RABGAP1L: variants seen among roughly 807,000 people sequenced by gnomAD.
RABGAP1L encodes RAB GTPase activating protein 1 like.
In RABGAP1L, 63 loss-of-function variants were observed where a neutral mutation model predicts 137.7. The ratio of observed to expected loss-of-function variants is 0.46; its 90% CI spans 0.37 to 0.56. The LOEUF is 0.56. Ranked by LOEUF, RABGAP1L falls within the 20% of genes least tolerant of loss-of-function variation. The pLI is 0.00. For synonymous variants in RABGAP1L, 431 were observed against 433.7 expected (o/e 0.99, Z 0.08); for missense variants, 1,095 against 1,244.0 (o/e 0.88, Z 1.80).
At chr1:174,473,803 C>T (rs1658204943) in intron 13 of RABGAP1L, among the ~76,000 whole-genome samples, 1 of 152,164 alleles carries the variant, frequency 6.6e-6, no homozygotes. Flanking sequence ...CAATCATTCG[C>T]CCCTAAAGCT....
chr1:174,953,443 G>A (rs1158149099), intron 19 of RABGAP1L, among the ~76,000 whole-genome samples: 12 of 152,052 alleles, frequency 7.9e-5, no homozygotes, highest in Non-Finnish European at 1.3e-4. Context: ...ACACTCCCTC[G>A]CCATTCCCCT....
At chr1:174,606,802 T>G (rs1015700517) in intron 13 of RABGAP1L, among the ~76,000 whole-genome samples, 1 of 152,252 alleles carries the variant, frequency 6.6e-6, no homozygotes, top group Non-Finnish European at 1.5e-5. Flanking sequence ...CAGATTTTTC[T>G]GATTCTATTC....
At chr1:174,252,617 CA>C in intron 7 of RABGAP1L, 27 bp downstream of exon 7, 1 of 1,596,624 alleles carries the variant, frequency 6.3e-7, no homozygotes, top group Non-Finnish European at 8.5e-7. Flanking sequence ...TAAATGCTAC[CA>C]AAAACTTGTA....
At chr1:174,828,311 C>T (rs1321984098) in intron 19 of RABGAP1L, among the ~76,000 whole-genome samples, 2 of 148,062 alleles carry the variant, frequency 1.4e-5, no homozygotes, top group Non-Finnish European at 3.0e-5. Context: ...TTTGAGTTGT[C>T]TGTCTGGAAA....
intron 13 of RABGAP1L, among the ~76,000 whole-genome samples, chr1:174,532,580 T>C (rs1664514708): frequency 6.6e-6 from 1 of 152,106 alleles, no homozygotes; most frequent in Admixed American, 6.5e-5. Context: ...TTCATAAAAC[T>C]GGGGGACTGT....
intron 13 of RABGAP1L, among the ~76,000 whole-genome samples, chr1:174,497,748 A>C (rs1660873829): frequency 6.6e-6 from 1 of 152,260 alleles, no homozygotes; most frequent in Non-Finnish European, 1.5e-5. Context: ...CTGCTTATAA[A>C]GAGCAGTGAC....
chr1:174,455,651 G>A (rs1044979596), intron 13 of RABGAP1L, among the ~76,000 whole-genome samples: 7 of 151,926 alleles, frequency 4.6e-5, no homozygotes, highest in Admixed American at 1.3e-4. Flanking sequence ...AGTAGATGGC[G>A]TATTTTTATA....
intron 14 of RABGAP1L, among the ~76,000 whole-genome samples, chr1:174,661,436 T>C (rs1354873610): frequency 6.6e-6 from 1 of 152,166 alleles, no homozygotes; most frequent in East Asian, 1.9e-4. Context: ...GAATATTGGG[T>C]ACTGAAAAAT....
At chr1:174,222,918 T>C (rs891978501) in intron 3 of RABGAP1L, among the ~76,000 whole-genome samples, 1 of 151,982 alleles carries the variant, frequency 6.6e-6, no homozygotes, top group African/African-American at 2.4e-5. Context: ...GGCAGATCAC[T>C]TGAAGTCAGG....
intron 1 of RABGAP1L, among the ~76,000 whole-genome samples, chr1:174,193,001 C>T (rs917420306): frequency 3.3e-5 from 5 of 152,298 alleles, no homozygotes; most frequent in East Asian, 1.9e-4. Context: ...CTCTTTTGAA[C>T]GTATTCCTTC....
At chr1:174,590,355 T>A (rs58666989) in intron 13 of RABGAP1L, among the ~76,000 whole-genome samples, 2,696 of 147,014 alleles carry the variant, frequency 0.018, 66 homozygotes, top group African/African-American at 0.062. Flanking sequence ...TTTATTTATT[T>A]TTTTTTTATT....
intron 12 of RABGAP1L, among the ~76,000 whole-genome samples, chr1:174,380,212 G>A (rs980385459): frequency 6.6e-6 from 1 of 151,784 alleles, no homozygotes; most frequent in Non-Finnish European, 1.5e-5. Flanking sequence ...GAGGATTTTT[G>A]CATCAATGTT....
At chr1:174,787,706 T>C (rs1236924342) in intron 18 of RABGAP1L, among the ~76,000 whole-genome samples, 1 of 152,154 alleles carries the variant, frequency 6.6e-6, no homozygotes, top group Non-Finnish European at 1.5e-5. Context: ...TCAAATGTTT[T>C]GTTTTAGGAA....
At chr1:174,163,457 C>T (rs1195053310) in intron 1 of RABGAP1L, among the ~76,000 whole-genome samples, 2 of 151,934 alleles carry the variant, frequency 1.3e-5, no homozygotes, top group African/African-American at 2.4e-5. Flanking sequence ...TTTTGGTGTA[C>T]TTTTTGGGGA....
At chr1:174,914,701 T>C (rs902347817) in intron 19 of RABGAP1L, among the ~76,000 whole-genome samples, 3 of 152,190 alleles carry the variant, frequency 2.0e-5, no homozygotes, top group Admixed American at 1.3e-4. Context: ...TTATATAGTA[T>C]AAAATTCACC....
At chr1:174,538,986 C>G (rs1665125840) in intron 13 of RABGAP1L, among the ~76,000 whole-genome samples, 1 of 152,008 alleles carries the variant, frequency 6.6e-6, no homozygotes, top group Non-Finnish European at 1.5e-5. Flanking sequence ...GATAGACTGC[C>G]TACGTTCATT....
intron 14 of RABGAP1L, among the ~76,000 whole-genome samples, chr1:174,666,937 A>T (rs1676827648): frequency 6.6e-6 from 1 of 151,452 alleles, no homozygotes; most frequent in South Asian, 2.1e-4. Context: ...CCCTGTGAAA[A>T]TTTATTTTCA....
intron 13 of RABGAP1L, among the ~76,000 whole-genome samples, chr1:174,510,276 G>A (rs1385110028): frequency 2.6e-5 from 4 of 151,986 alleles, no homozygotes; most frequent in African/African-American, 7.3e-5. Context: ...TTCATAATAC[G>A]TAACCTTCAT....
chr1:174,457,401 G>A (rs1463710466), intron 13 of RABGAP1L, among the ~76,000 whole-genome samples: 1 of 151,376 alleles, frequency 6.6e-6, no homozygotes, highest in Non-Finnish European at 1.5e-5. Context: ...TTTGAGATTA[G>A]GACAATAATA....
Sources: gnomAD v4.1 joint callset for allele counts (sites outside exome capture counted in the v4.1 genomes callset) on GRCh38, gnomAD v4.1.1 for gene constraint, MANE v1.5 for transcripts, NCBI Gene and HGNC (gene_info 2026-07-23, HGNC 2026-07-21) for gene names.